Variants in STK39 observed in about 807,000 individuals in gnomAD.
The protein encoded by STK39 is serine/threonine kinase 39, also known as STE20/SPS1-related proline-alanine-rich protein kinase.
STK39 carries 20 observed loss-of-function variants against 77.8 expected under a neutral mutation model. That is an observed-to-expected ratio of 0.26 (90% CI 0.18 to 0.37). STK39 has a LOEUF of 0.37. STK39 is among the 10% of genes least tolerant of loss of function. STK39 has a pLI of 1.00. For synonymous variants in STK39, 246 were observed against 234.1 expected (o/e 1.05, Z -0.47); for missense variants, 479 against 656.5 (o/e 0.73, Z 2.95).
intron 1 of STK39, among the ~76,000 whole-genome samples, chr2:168,222,185 T>C (rs1003159328): frequency 6.6e-6 from 1 of 152,184 alleles, no homozygotes; most frequent in African/African-American, 2.4e-5. Flanking sequence ...TTTCACTTGG[T>C]GTAGGAATCT....
intron 10 of STK39, among the ~76,000 whole-genome samples, chr2:168,108,276 G>A (rs1423440714): frequency 1.3e-5 from 2 of 152,158 alleles, no homozygotes; most frequent in Admixed American, 6.5e-5. Context: ...AACAACATAG[G>A]CTGGGTACAG....
At chr2:168,129,665 T>G in intron 9 of STK39, 45 bp downstream of exon 9, 1 of 1,613,982 alleles carries the variant, frequency 6.2e-7, no homozygotes, top group African/African-American at 1.3e-5. Flanking sequence ...AAATACACAG[T>G]GATTTCAAAA....
chr2:168,191,831 G>C (rs1689347860), intron 1 of STK39, among the ~76,000 whole-genome samples: 1 of 152,192 alleles, frequency 6.6e-6, no homozygotes, highest in Non-Finnish European at 1.5e-5. Flanking sequence ...CTAGAGAATG[G>C]AAAAGACTGA....
At chr2:168,117,856 G>A (rs766712659) in intron 10 of STK39, among the ~76,000 whole-genome samples, 3 of 152,042 alleles carry the variant, frequency 2.0e-5, no homozygotes, top group African/African-American at 2.4e-5. Flanking sequence ...TATAAGTGGC[G>A]GGAACTTGTA....
At chr2:167,971,890 T>C (rs930387223) in intron 16 of STK39, among the ~76,000 whole-genome samples, 7 of 152,202 alleles carry the variant, frequency 4.6e-5, no homozygotes, top group East Asian at 3.9e-4. Flanking sequence ...AGGGGCAAGT[T>C]TGAGCCTTGC....
At chr2:168,230,174 T>C (rs985914273) in intron 1 of STK39, among the ~76,000 whole-genome samples, 16 of 152,338 alleles carry the variant, frequency 1.1e-4, no homozygotes, top group Admixed American at 9.2e-4. Flanking sequence ...CTTGTATATA[T>C]ATCCCTCTGC....
chr2:168,187,808 A>C (rs1350827164), intron 1 of STK39, among the ~76,000 whole-genome samples: 2 of 152,220 alleles, frequency 1.3e-5, no homozygotes, highest in African/African-American at 4.8e-5. Flanking sequence ...TAAAAAAATT[A>C]GTCCATAAGA....
intron 8 of STK39, among the ~76,000 whole-genome samples, chr2:168,136,277 G>A (rs1327697859): frequency 1.3e-5 from 2 of 150,916 alleles, no homozygotes; most frequent in African/African-American, 2.4e-5. Context: ...AGTGAGGCAG[G>A]AGAATCACTT....
At chr2:168,117,931 T>C (rs1004446710) in intron 10 of STK39, among the ~76,000 whole-genome samples, 3 of 152,142 alleles carry the variant, frequency 2.0e-5, no homozygotes, top group Admixed American at 2.0e-4. Flanking sequence ...AGTACAACTA[T>C]AGTAGAGTTT....
At chr2:167,986,513 T>C (rs192654347) in intron 16 of STK39, among the ~76,000 whole-genome samples, 82 of 152,316 alleles carry the variant, frequency 5.4e-4, no homozygotes, top group African/African-American at 1.9e-3. Flanking sequence ...TGTTTGACTT[T>C]CAGATTTCCA....
intron 16 of STK39, among the ~76,000 whole-genome samples, chr2:168,007,949 A>T (rs1684173252): frequency 6.6e-6 from 1 of 152,204 alleles, no homozygotes; most frequent in Admixed American, 6.5e-5. Flanking sequence ...AGTGGTTTTT[A>T]GTAAAGTCAC....
At chr2:168,138,521 G>A (rs1280279588) in intron 7 of STK39, among the ~76,000 whole-genome samples, 4 of 152,182 alleles carry the variant, frequency 2.6e-5, no homozygotes, top group East Asian at 1.9e-4. Context: ...TGAGGAGCAC[G>A]TAGCTCCAGC....
At chr2:168,048,216 CT>C (rs1335296463) in intron 14 of STK39, among the ~76,000 whole-genome samples, 3,070 of 139,182 alleles carry the variant, frequency 0.022, 98 homozygotes, top group African/African-American at 0.071. Context: ...TTGGCCTATG[CT>C]TTTTTTTTTT....
chr2:168,231,446 G>A (rs1457037991), intron 1 of STK39, among the ~76,000 whole-genome samples: 1 of 151,928 alleles, frequency 6.6e-6, no homozygotes, highest in Non-Finnish European at 1.5e-5. Context: ...ATGTTAAATG[G>A]TTAAGTGTTA....
chr2:168,048,663 C>T (rs1305831850), intron 14 of STK39, among the ~76,000 whole-genome samples: 4 of 152,180 alleles, frequency 2.6e-5, no homozygotes, highest in South Asian at 2.1e-4. Context: ...AAACACTAAC[C>T]GAACCACTCA....
chr2:167,960,628 T>G (rs908162488), intron 17 of STK39, among the ~76,000 whole-genome samples: 5 of 151,896 alleles, frequency 3.3e-5, no homozygotes, highest in Non-Finnish European at 7.4e-5. Context: ...ACACTCCATC[T>G]CCTCACCCCT....
At chr2:168,200,402 C>T (rs1689583682) in intron 1 of STK39, among the ~76,000 whole-genome samples, 1 of 152,142 alleles carries the variant, frequency 6.6e-6, no homozygotes, top group African/African-American at 2.4e-5. Flanking sequence ...TGGTGACTCA[C>T]AACTGTAATC....
intron 10 of STK39, among the ~76,000 whole-genome samples, chr2:168,100,515 C>T (rs114414995): frequency 9.3e-4 from 141 of 152,288 alleles, no homozygotes; most frequent in African/African-American, 3.3e-3. Flanking sequence ...CCTCCTGCCA[C>T]GGCCTCCCAA....
chr2:168,169,856 AG>A (rs1688779929), intron 2 of STK39, among the ~76,000 whole-genome samples: 1 of 152,174 alleles, frequency 6.6e-6, no homozygotes, highest in Non-Finnish European at 1.5e-5. Context: ...AAGAAGGGGC[AG>A]GGGGCCCAAG....
Sources: allele counts gnomAD v4.1 joint callset (sites outside exome capture counted in the v4.1 genomes callset), GRCh38; gene constraint gnomAD v4.1.1; transcripts MANE v1.5; gene names NCBI Gene and HGNC (gene_info 2026-07-23, HGNC 2026-07-21).